CAMKMT: variants seen among roughly 807,000 people sequenced by gnomAD.
The protein encoded by CAMKMT is CaM KMT.
Under a neutral mutation model 48.0 loss-of-function variants are expected in CAMKMT, and 53 were observed. The ratio of observed to expected loss-of-function variants is 1.10; its 90% CI spans 0.89 to 1.39. The LOEUF is 1.39. Among genes scored for constraint, CAMKMT ranks in the 40% most tolerant of loss-of-function variants. The probability of loss-of-function intolerance (pLI) is 0.00; values close to 1 mark genes in which losing one functional copy is unlikely to be tolerated. For synonymous variants in CAMKMT, 165 were observed against 152.3 expected (o/e 1.08, Z -0.61); for missense variants, 428 against 402.7 (o/e 1.06, Z -0.54).
chr2:44,510,927 A>G (rs1670513909), intron 3 of CAMKMT, among the ~76,000 whole-genome samples: 1 of 150,326 alleles, frequency 6.7e-6, no homozygotes, highest in South Asian at 2.1e-4. Flanking sequence ...TGCATGCTCC[A>G]CCTCTTGGGT....
intron 3 of CAMKMT, among the ~76,000 whole-genome samples, chr2:44,555,001 G>A (rs904330576): frequency 6.6e-6 from 1 of 152,174 alleles, no homozygotes; most frequent in Non-Finnish European, 1.5e-5. Context: ...GAGTAGGGAA[G>A]ATAGGATGGT....
chr2:44,597,269 G>T lies in CAMKMT; in HGVS notation c.377-107014G>T, dbSNP rs763978633. Among the ~76,000 whole-genome samples, 3 of 152,158 alleles carry T rather than the reference G, an allele frequency of 2.0e-5. No individual in the cohort carries two copies. The South Asian group carries it at 6.2e-4, about 32-fold the overall frequency. ...TTAACTCTCTATATAACTAAGTTCC[G>T]TCCTTGGCAGATGGATTAATTTGTG... On this transcript the variant is annotated intron_variant, in intron 3 of 10. Coordinates refer to ENST00000378494, the MANE Select transcript of CAMKMT (RefSeq NM_024766.5).
In CAMKMT at chr2:44,772,101, C is replaced by T. The variant is rs1297310147; in HGVS notation, c.960C>T (p.Thr320=). ...ATTACCCGCTTCTGCTTATTTTGAC[C>T]AAACATGGATAGAAGATTAAGCTTC... ...NLHYPLLLIL[T]KHG The change falls in exon 11 of 11, where the codon ACC becomes ACT. Residue 320 remains threonine (T), a synonymous_variant. Transcript: ENST00000378494. 1.2e-6 allele frequency: 2 copies of T among 1,613,168 alleles called. No homozygotes were observed. Among genetic ancestry groups the T allele is most frequent in the Non-Finnish European group, 1.7e-6 (2 of 1,179,436 alleles).
At chr2:44,525,635 C>T (rs1671365535) in intron 3 of CAMKMT, among the ~76,000 whole-genome samples, 1 of 152,226 alleles carries the variant, frequency 6.6e-6, no homozygotes, top group East Asian at 1.9e-4. Flanking sequence ...TGAGTATAAG[C>T]TGGTTTATAC....
intron 3 of CAMKMT, among the ~76,000 whole-genome samples, chr2:44,686,392 C>CAAA (rs35238467): frequency 1.8e-5 from 2 of 113,270 alleles, no homozygotes; most frequent in African/African-American, 6.3e-5. Flanking sequence ...GACTCTGCCT[C>CAAA]AAAAAAAAAA....
At chr2:44,614,960 T>TTTTTTTTTTTTTTTTTTTTTTA (rs1671802323) in intron 3 of CAMKMT, among the ~76,000 whole-genome samples, 2 of 140,014 alleles carry the variant, frequency 1.4e-5, no homozygotes, top group Non-Finnish European at 3.1e-5. Flanking sequence ...TTTTTTTTTT[T>TTTTTTTTTTTTTTTTTTTTTTA]GAGACAGGGT....
chr2:44,415,334 C>G (rs2104491639), intron 3 of CAMKMT, among the ~76,000 whole-genome samples: 1 of 152,204 alleles, frequency 6.6e-6, no homozygotes, highest in South Asian at 2.1e-4. Flanking sequence ...CTTTATAGGT[C>G]CAGGTTTAGT....
At chr2:44,521,051 G>C (rs12185759) in intron 3 of CAMKMT, among the ~76,000 whole-genome samples, 79,733 of 151,922 alleles carry the variant, frequency 0.52, 21,660 homozygotes, top group Middle Eastern at 0.6. Context: ...AATACACTCT[G>C]TAAACTTGGT....
intron 3 of CAMKMT, among the ~76,000 whole-genome samples, chr2:44,462,541 T>G (rs1050083922): frequency 6.6e-6 from 1 of 152,162 alleles, no homozygotes; most frequent in Non-Finnish European, 1.5e-5. Flanking sequence ...TAAATTCCTT[T>G]TTTTGCTTTT....
chr2:44,708,528 G>A (rs1677692550), intron 6 of CAMKMT, among the ~76,000 whole-genome samples: 3 of 151,978 alleles, frequency 2.0e-5, no homozygotes, highest in Admixed American at 2.0e-4. Flanking sequence ...AAAAAATTCA[G>A]GAAGGAAAAA....
chr2:44,550,560 A>T (rs1396392539), intron 3 of CAMKMT: 1 of 152,214 alleles, frequency 6.6e-6, no homozygotes, highest in Non-Finnish European at 1.5e-5. Flanking sequence ...AGTTATCACT[A>T]AGCTGAGCTC....
At chr2:44,528,568 C>T (rs898109302) in intron 3 of CAMKMT, among the ~76,000 whole-genome samples, 3 of 152,186 alleles carry the variant, frequency 2.0e-5, no homozygotes, top group Middle Eastern at 3.4e-3. Flanking sequence ...TCCTTAATAC[C>T]ACCAGATTGG....
intron 3 of CAMKMT, among the ~76,000 whole-genome samples, chr2:44,411,178 C>A (rs973772472): frequency 3.9e-5 from 6 of 152,034 alleles, no homozygotes; most frequent in African/African-American, 1.5e-4. Flanking sequence ...TAGACAAAAC[C>A]TTGTACATTA....
intron 3 of CAMKMT, among the ~76,000 whole-genome samples, chr2:44,439,753 G>A (rs1327465859): frequency 6.6e-6 from 1 of 151,602 alleles, no homozygotes; most frequent in South Asian, 2.1e-4. Flanking sequence ...TAGGAGAATG[G>A]CATGAACCCG....
intron 3 of CAMKMT, among the ~76,000 whole-genome samples, chr2:44,673,504 A>AGGAAGGAAGGAAGGAAGGAT (rs1558786749): frequency 1.4e-5 from 2 of 143,960 alleles, no homozygotes; most frequent in African/African-American, 5.3e-5. Flanking sequence ...GAAGGAAGGA[A>AGGAAGGAAGGAAGGAAGGAT]GGAAGGAAGG....
chr2:44,680,533 A>G (rs536776297), intron 3 of CAMKMT, among the ~76,000 whole-genome samples: 55 of 152,316 alleles, frequency 3.6e-4, no homozygotes, highest in African/African-American at 1.3e-3. Flanking sequence ...CTGGGTCCAC[A>G]GGCTTTCATT....
chr2:44,373,466 C>G (rs1020954181), intron 2 of CAMKMT, among the ~76,000 whole-genome samples: 2 of 152,132 alleles, frequency 1.3e-5, no homozygotes, highest in Non-Finnish European at 2.9e-5. Context: ...AATTAATTTT[C>G]TCTCACAGTT....
At chr2:44,594,907 T>A (rs897153468) in intron 3 of CAMKMT, among the ~76,000 whole-genome samples, 2 of 152,172 alleles carry the variant, frequency 1.3e-5, no homozygotes, top group Non-Finnish European at 2.9e-5. Flanking sequence ...TTTTGCAATC[T>A]ATCCATCTGA....
At chr2:44,556,097 G>A (rs1247728432) in intron 3 of CAMKMT, among the ~76,000 whole-genome samples, 1 of 151,918 alleles carries the variant, frequency 6.6e-6, no homozygotes, top group African/African-American at 2.4e-5. Context: ...CAAAGTGAAA[G>A]GCTATTTAAA....
Sources: gnomAD v4.1 joint callset for allele counts (sites outside exome capture counted in the v4.1 genomes callset) on GRCh38, gnomAD v4.1.1 for gene constraint, MANE v1.5 for transcripts, NCBI Gene and HGNC (gene_info 2026-07-23, HGNC 2026-07-21) for gene names.